TMEM67: variants seen among roughly 807,000 people sequenced by gnomAD.
TMEM67 encodes the protein meckelin.
TMEM67 carries 124 observed loss-of-function variants against 136.6 expected under a neutral mutation model. The observed-to-expected ratio is 0.91, with a 90% CI of 0.78 to 1.05. The LOEUF is 1.05. Ranked by LOEUF, TMEM67 falls within the 50% of genes least tolerant of loss-of-function variation. The pLI, the probability that TMEM67 is intolerant of heterozygous loss-of-function variation, is 0.00. For synonymous variants in TMEM67, 364 were observed against 390.5 expected, an observed-to-expected ratio of 0.93 and a Z score of 0.80; for missense variants, 1,107 against 1,178.4, an observed-to-expected ratio of 0.94 and a Z score of 0.89.
the TMEM67 span, among the ~76,000 whole-genome samples, chr8:93,827,856 A>G: frequency 5.3e-5 from 8 of 151,684 alleles, no homozygotes; most frequent in African/African-American, 1.5e-4. Context: ...CATGGTGGCC[A>G]ATGAGAGGCA....
At chr8:93,788,083 G>A in intron 14 of TMEM67, 134 bp downstream of exon 14, 1 of 690,942 alleles carries the variant, frequency 1.4e-6, no homozygotes, top group Non-Finnish European at 2.5e-6. Flanking sequence ...ATATAGTCAA[G>A]TCTTAATTAT....
intron 7 of TMEM67, among the ~76,000 whole-genome samples, chr8:93,775,095 C>A (rs1290727135): frequency 6.6e-6 from 1 of 152,208 alleles, no homozygotes; most frequent in East Asian, 1.9e-4. Flanking sequence ...ATTTACATTT[C>A]TCTGATGACC....
intron 7 of TMEM67, 34 bp downstream of exon 7, chr8:93,772,685 A>G: frequency 2.6e-6 from 4 of 1,512,220 alleles, no homozygotes; most frequent in Non-Finnish European, 3.7e-6. Context: ...ATTTCATTTT[A>G]TTTTGAAGAA....
chr8:93,796,390 G>A (rs1814617604), intron 18 of TMEM67, among the ~76,000 whole-genome samples: 1 of 152,076 alleles, frequency 6.6e-6, no homozygotes, highest in Admixed American at 6.5e-5. Context: ...AGATTCCTTT[G>A]CTCCTTTCTT....
At chr8:93,819,122 G>A, downstream of TMEM67, 1 of 453,364 alleles carries the variant, frequency 2.2e-6, no homozygotes, top group Non-Finnish European at 4.4e-6. Flanking sequence ...TTCTTAGAAT[G>A]TGCTTTTAAC....
chr8:93,782,402 C>T lies in TMEM67; in HGVS notation c.1073C>T (p.Pro358Leu), dbSNP rs863225232. ...TLEGGVLQLC[P>L]DTETRLNAAY... ...TGTATTATTTTGCTGCAGCTTTGTC[C>T]AGACACAGAGACAAGGCTAAATGCT... Residue 358 changes from proline to leucine, a missense_variant, in exon 11 of 28, where the codon CCA becomes CTA. By Grantham distance (98) the Pro-to-Leu change is moderately conservative. Coordinates refer to ENST00000453321, the MANE Select transcript of TMEM67 (RefSeq NM_153704.6). 3.1e-6 allele frequency: 5 copies of T among 1,612,170 alleles called. No homozygotes were observed. The highest frequency in any genetic ancestry group is 4.2e-6 in the Non-Finnish European group (5 of 1,178,964).
At chr8:93,789,645 CA>C (rs1292045566) in intron 14 of TMEM67, among the ~76,000 whole-genome samples, 2 of 96,428 alleles carry the variant, frequency 2.1e-5, no homozygotes, top group Admixed American at 2.8e-4. Flanking sequence ...AACTCTGTCT[CA>C]AAAAAATATA....
At chr8:93,762,365 A>G (rs1471332164) in intron 3 of TMEM67, among the ~76,000 whole-genome samples, 1 of 140,346 alleles carries the variant, frequency 7.1e-6, no homozygotes, top group African/African-American at 2.6e-5. Flanking sequence ...CTTTTTAACA[A>G]TTTTTTTTTT....
In TMEM67 at chr8:93,789,389, A is replaced by G. The variant is rs1477113376; in HGVS notation, c.1518+1440A>G. On this transcript the variant is annotated intron_variant, in intron 14 of 27. Transcript: ENST00000453321. ...AAAACATGCTTGGTAACAACAAAAG[A>G]CTGCCTGGTTTAAAACTTCCTGGAG... is the stretch of plus-strand genomic sequence containing the variant. Among the ~76,000 whole-genome samples, 10 of 152,288 alleles carry G rather than the reference A, an allele frequency of 6.6e-5. No homozygotes were observed. The East Asian group carries it at 1.7e-3, about 26-fold the overall frequency.
At chr8:93,761,169 C>T (rs1434739061) in intron 3 of TMEM67, among the ~76,000 whole-genome samples, 1 of 152,138 alleles carries the variant, frequency 6.6e-6, no homozygotes, top group Non-Finnish European at 1.5e-5. Context: ...CATGGTGGCA[C>T]ATGCCTGTAA....
intron 7 of TMEM67, among the ~76,000 whole-genome samples, chr8:93,775,710 A>C (rs754713239): frequency 6.6e-6 from 1 of 152,116 alleles, no homozygotes; most frequent in Non-Finnish European, 1.5e-5. Flanking sequence ...CCATTGGTCT[A>C]TGTATCTGTT....
intron 18 of TMEM67, 71 bp from the exon 19 acceptor site, chr8:93,797,063 G>C: frequency 1.2e-6 from 1 of 869,318 alleles, no homozygotes; most frequent in Non-Finnish European, 2.0e-6. Flanking sequence ...TTCTTAAAGA[G>C]TCAATATTGG....
rs530080324 is a variant in TMEM67, at chr8:93,814,487, T to A, written c.2765-818T>A. Among the ~76,000 whole-genome samples the A allele has an allele frequency of 4.4e-4, 61 of 139,666 alleles. 1 individual carries two copies. Among genetic ancestry groups the A allele is most frequent in the Middle Eastern group, 4.1e-3 (1 of 244 alleles). 91.6% of individuals were successfully genotyped at this position (139,666 alleles called of 152,430 possible). ...TTTTTTGTTTTTTTTTAGTGACAGGTTCTTGCTCTGTTGCCCAGGCTAGAG... is the reference window on the plus strand; with the variant it reads ...TTTTTTGTTTTTTTTTAGTGACAGGATCTTGCTCTGTTGCCCAGGCTAGAG... On this transcript the variant is annotated intron_variant, in intron 26 of 27. Transcript: ENST00000453321.
In TMEM67 at chr8:93,781,692, A is replaced by G. The variant is rs1426467324; in HGVS notation, c.1013A>G (p.Asp338Gly). 2 of 1,609,564 alleles carry G rather than the reference A, an allele frequency of 1.2e-6. No individual in the cohort carries two copies. Among genetic ancestry groups the G allele is most frequent in the Non-Finnish European group, 1.7e-6 (2 of 1,177,482 alleles). Residue 338 changes from aspartate (D) to glycine (G), a missense_variant, in exon 10 of 28, where the codon GAT becomes GGT. By Grantham distance (94) the Asp-to-Gly change is moderately conservative (BLOSUM62 -1). Coordinates refer to ENST00000453321, the MANE Select transcript of TMEM67 (RefSeq NM_153704.6). ...TKLKFVAASYDIRGNFLKWQT... is the reference protein window; with the variant it reads ...TKLKFVAASYGIRGNFLKWQT... ...CTGAAGTTTGTTGCTGCTTCCTATG[A>G]TATAAGAGGAAATTTTCTCAAGTGG... is the stretch of plus-strand genomic sequence containing the variant.
chr8:93,772,740 T>A, intron 7 of TMEM67, 89 bp downstream of exon 7: 2 of 918,658 alleles, frequency 2.2e-6, no homozygotes, highest in Non-Finnish European at 3.4e-6. Context: ...TATTTCTAAG[T>A]AGCTATAGCT....
At chr8:93,793,317 T>A (rs762631066) in intron 16 of TMEM67, 21 bp downstream of exon 16, 15 of 1,581,572 alleles carry the variant, frequency 9.5e-6, no homozygotes, top group African/African-American at 2.7e-5. Context: ...AGGAGTTTTT[T>A]AAGAATATTT....
chr8:93,761,797 G>C (rs1305685993), intron 3 of TMEM67, among the ~76,000 whole-genome samples: 1 of 152,006 alleles, frequency 6.6e-6, no homozygotes, highest in Admixed American at 6.6e-5. Flanking sequence ...TTATGTACTT[G>C]GTATTCCACT....
intron 6 of TMEM67, among the ~76,000 whole-genome samples, chr8:93,766,072 A>T (rs1813069258): frequency 6.6e-6 from 1 of 152,094 alleles, no homozygotes. Context: ...GTACATGGTA[A>T]TCATTAGAGA....
chr8:93,787,973 C>T, intron 14 of TMEM67, 24 bp downstream of exon 14: 2 of 1,513,786 alleles, frequency 1.3e-6, no homozygotes, highest in Non-Finnish European at 1.8e-6. Flanking sequence ...TTATTAGTGC[C>T]CTTGTATGTA....
Sources: allele counts gnomAD v4.1 joint callset (sites outside exome capture counted in the v4.1 genomes callset), GRCh38; gene constraint gnomAD v4.1.1; transcripts MANE v1.5; gene names NCBI Gene and HGNC (gene_info 2026-07-23, HGNC 2026-07-21).